The following LRRC37A2 variants were observed in gnomAD, a reference collection of about 807,000 sequenced individuals.
The protein encoded by LRRC37A2 is leucine rich repeat containing 37 member A2, also known as leucine-rich repeat-containing protein 37A2.
In LRRC37A2, 9 loss-of-function variants were observed where a neutral mutation model predicts 68.8. The observed-to-expected ratio is 0.13, with a 90% CI of 0.08 to 0.23. The LOEUF (loss-of-function observed/expected upper bound fraction) is 0.23, where lower values mean the gene tolerates loss of function less well. Ranked by LOEUF, LRRC37A2 falls within the 10% of genes least tolerant of loss-of-function variation. The pLI is 1.00. For missense variants in LRRC37A2, 168 were observed against 950.4 expected, an observed-to-expected ratio of 0.18 and a Z score of 10.82; for synonymous variants, 63 against 367.6, an observed-to-expected ratio of 0.17 and a Z score of 9.48.
chr17:46,844,772 T>C, the LRRC37A2 span, among the ~76,000 whole-genome samples: 1 of 152,174 alleles, frequency 6.6e-6, no homozygotes, highest in African/African-American at 2.4e-5. Context: ...TTTAAACTTC[T>C]AGTCCCTAAG....
At chr17:46,803,438 G>A in the LRRC37A2 span, among the ~76,000 whole-genome samples, 1 of 152,188 alleles carries the variant, frequency 6.6e-6, no homozygotes, top group East Asian at 1.9e-4. Context: ...CAAGGCTCAG[G>A]GAGGAGAATC....
the LRRC37A2 span, among the ~76,000 whole-genome samples, chr17:47,001,072 G>T: frequency 6.6e-6 from 1 of 152,144 alleles, no homozygotes; most frequent in Non-Finnish European, 1.5e-5. Context: ...GGAGGTGGAG[G>T]TTGCAGTGAG....
At chr17:46,883,929 G>A in the LRRC37A2 span, among the ~76,000 whole-genome samples, 3 of 152,084 alleles carry the variant, frequency 2.0e-5, no homozygotes, top group African/African-American at 4.8e-5. Context: ...ATTCCTCCCT[G>A]GCTCTCTTGG....
At chr17:46,839,429 A>G in the LRRC37A2 span, among the ~76,000 whole-genome samples, 2 of 152,180 alleles carry the variant, frequency 1.3e-5, no homozygotes, top group African/African-American at 4.8e-5. Context: ...ATCAGGTTGT[A>G]TGGTAGCTGC....
intron 8 of LRRC37A2, among the ~76,000 whole-genome samples, chr17:46,543,258 AT>A (rs916841810): frequency 1.3e-5 from 2 of 150,574 alleles, no homozygotes; most frequent in African/African-American, 5.0e-5. Context: ...AGGCCAGCTC[AT>A]TTGAGTCTTG....
the LRRC37A2 span, chr17:46,832,934 C>G: frequency 2.0e-5 from 4 of 197,186 alleles, no homozygotes; most frequent in Admixed American, 5.5e-5. Flanking sequence ...CAGAAGGGAG[C>G]TGACAAGTCC....
the LRRC37A2 span, among the ~76,000 whole-genome samples, chr17:47,002,504 C>A: frequency 6.6e-6 from 1 of 151,988 alleles, no homozygotes; most frequent in Non-Finnish European, 1.5e-5. Flanking sequence ...ATTTCTCCTG[C>A]CTCAGCCTCC....
the LRRC37A2 span, among the ~76,000 whole-genome samples, chr17:46,900,224 T>C: frequency 1.8e-3 from 240 of 131,866 alleles, 4 homozygotes; most frequent in African/African-American, 6.8e-3. Flanking sequence ...CACACACATA[T>C]ATATATATAT....
chr17:46,919,225 T>C, the LRRC37A2 span, among the ~76,000 whole-genome samples: 2 of 152,226 alleles, frequency 1.3e-5, no homozygotes, highest in Non-Finnish European at 2.9e-5. Context: ...CTAAGTCAAG[T>C]GGACTCTGGT....
the LRRC37A2 span, among the ~76,000 whole-genome samples, chr17:46,839,191 A>G: frequency 6.6e-6 from 1 of 152,332 alleles, no homozygotes; most frequent in African/African-American, 2.4e-5. Context: ...AAAGAATTTT[A>G]AGTGAATTTC....
chr17:46,929,705 G>C, the LRRC37A2 span: 1 of 688,458 alleles, frequency 1.5e-6, no homozygotes, highest in Middle Eastern at 3.7e-4. Flanking sequence ...GAGTTTTGTT[G>C]TTAGGGTGGA....
the LRRC37A2 span, chr17:46,875,164 G>A: frequency 7.4e-5 from 119 of 1,613,884 alleles, no homozygotes; most frequent in Non-Finnish European, 9.1e-5. Context: ...ACCCTGGCCC[G>A]GGCCTGCAGC....
the LRRC37A2 span, among the ~76,000 whole-genome samples, chr17:47,010,194 A>C: frequency 2.6e-5 from 4 of 152,192 alleles, no homozygotes; most frequent in African/African-American, 7.2e-5. Flanking sequence ...CTCTTCACAG[A>C]AGCTTAGCGC....
At chr17:46,852,112 C>A in the LRRC37A2 span, among the ~76,000 whole-genome samples, 2 of 152,256 alleles carry the variant, frequency 1.3e-5, no homozygotes, top group East Asian at 1.9e-4. Flanking sequence ...GCCATCCTGG[C>A]CTCCGGCGAG....
chr17:46,946,853 ACT>A, the LRRC37A2 span, among the ~76,000 whole-genome samples: 8 of 152,130 alleles, frequency 5.3e-5, 1 homozygote, highest in East Asian at 9.7e-4. Flanking sequence ...ACGAAATGAG[ACT>A]CTGTTTCAAT....
chr17:46,955,152 T>C, the LRRC37A2 span, among the ~76,000 whole-genome samples: 1 of 152,084 alleles, frequency 6.6e-6, no homozygotes, highest in African/African-American at 2.4e-5. Context: ...GGCTGTGGGT[T>C]TGTCATAGAT....
the LRRC37A2 span, chr17:46,935,625 C>T: frequency 1.5e-5 from 16 of 1,044,220 alleles, no homozygotes; most frequent in Non-Finnish European, 1.8e-5. Flanking sequence ...CCCCACTGTG[C>T]AGTGTTAGGG....
At position 46,531,952 on chromosome 17, in the gene LRRC37A2, G is replaced by C. The variant is rs567716441; in HGVS notation, c.2906+8068G>C. Among the ~76,000 whole-genome samples the C allele has an allele frequency of 7.0e-5, 10 of 143,662 alleles. No homozygotes were observed. In the South Asian group the frequency reaches 2.2e-3, roughly 31 times the overall value. The allele number at this position is 143,662 out of a possible 152,430, so 94.2% of individuals were successfully genotyped here. A position where few individuals can be genotyped will look rare whatever the true frequency, so the allele number is the denominator to read the frequency against. On this transcript the variant is annotated intron_variant, in intron 6 of 14. Coordinates refer to ENST00000576629, the Ensembl canonical transcript of LRRC37A2. ...TTATCGTTTTGGCTCTTACATTTAG[G>C]TATTTGACATATTTTGCATCAATTC...
chr17:46,496,290 GGT>G, the LRRC37A2 span, among the ~76,000 whole-genome samples: 2 of 141,060 alleles, frequency 1.4e-5, no homozygotes, highest in African/African-American at 2.8e-5. Context: ...CTTTATTTCT[GGT>G]AATAATCATT....
Sources: allele counts gnomAD v4.1 joint callset (sites outside exome capture counted in the v4.1 genomes callset), GRCh38; gene constraint gnomAD v4.1.1; transcripts MANE v1.5; gene names NCBI Gene and HGNC (gene_info 2026-07-23, HGNC 2026-07-21).